The following TCF12 variants were observed in gnomAD, a reference collection of about 807,000 sequenced individuals.
TCF12 encodes the protein transcription factor 12.
A neutral mutation model predicts 86.0 loss-of-function variants in TCF12; 45 were observed. The ratio of observed to expected loss-of-function variants is 0.52; its 90% CI spans 0.41 to 0.67. The LOEUF (loss-of-function observed/expected upper bound fraction) is 0.67. TCF12 is among the 30% of genes least tolerant of loss of function. The pLI, the probability that TCF12 is intolerant of heterozygous loss-of-function variation, is 0.00. For missense variants in TCF12, 881 were observed against 859.9 expected, an observed-to-expected ratio of 1.02 and a Z score of -0.31; for synonymous variants, 330 against 299.6, an observed-to-expected ratio of 1.10 and a Z score of -1.05.
At chr15:57,225,353 C>T (rs1296798165) in intron 8 of TCF12, among the ~76,000 whole-genome samples, 1 of 149,786 alleles carries the variant, frequency 6.7e-6, no homozygotes, top group Non-Finnish European at 1.5e-5. Flanking sequence ...CATTCTCCTG[C>T]CTCAGCCTCC....
intron 5 of TCF12, among the ~76,000 whole-genome samples, chr15:57,140,613 G>A (rs376098256): frequency 2.0e-5 from 3 of 152,200 alleles, no homozygotes; most frequent in South Asian, 2.1e-4. Context: ...ACAAAGTGCC[G>A]TGTAATTATT....
chr15:57,289,855 TC>T (rs1347157746), downstream of TCF12: 1 of 152,100 alleles, frequency 6.6e-6, no homozygotes, highest in Non-Finnish European at 1.5e-5. Context: ...TATAACCAAC[TC>T]CCAGGATGAT....
intron 3 of TCF12, among the ~76,000 whole-genome samples, chr15:56,961,434 A>G (rs2061748321): frequency 6.6e-6 from 1 of 152,208 alleles, no homozygotes. Context: ...AATAAAAACC[A>G]CCAGAGTACA....
intron 4 of TCF12, among the ~76,000 whole-genome samples, chr15:57,084,651 T>G (rs1186656820): frequency 6.6e-6 from 1 of 152,114 alleles, no homozygotes; most frequent in Admixed American, 6.6e-5. Context: ...GGATGTAGAT[T>G]AGTGCTTCTC....
chr15:57,123,968 C>CAAAAAAAAAAAAACA (rs2051431554), intron 5 of TCF12, among the ~76,000 whole-genome samples: 1 of 81,076 alleles, frequency 1.2e-5, no homozygotes, highest in Non-Finnish European at 2.5e-5. Context: ...GACTCCGTCT[C>CAAAAAAAAAAAAACA]AAAAAAAAAA....
chr15:57,265,378 A>G (rs1408435718), intron 18 of TCF12, among the ~76,000 whole-genome samples: 2 of 152,040 alleles, frequency 1.3e-5, no homozygotes, highest in African/African-American at 4.8e-5. Context: ...TTGTCCCAGT[A>G]TGAGAGAGTG....
In TCF12 at chr15:57,136,958, G is replaced by GTTTTT. The variant is rs869113042; in HGVS notation, c.326-29437_326-29433dup. On this transcript the variant is annotated intron_variant, in intron 5 of 20. Transcript: ENST00000333725. The stretch of plus-strand genomic sequence containing the variant: ...TAGACAATAGCCACTGCTTCTGGCA[G>GTTTTT]TTTTTTTTTTTGTTTTTTTTTTTTT... Among the ~76,000 whole-genome samples, 266 of 83,044 alleles carry GTTTTT rather than the reference G, an allele frequency of 3.2e-3. 103 individuals carry two copies. Among genetic ancestry groups the GTTTTT allele is most frequent in the African/African-American group, 3.7e-3 (77 of 20,800 alleles). 54.5% of individuals were successfully genotyped at this position (83,044 alleles called of 152,430 possible).
intron 4 of TCF12, among the ~76,000 whole-genome samples, chr15:57,086,652 G>A (rs1248844169): frequency 5.4e-5 from 8 of 147,668 alleles, no homozygotes; most frequent in African/African-American, 1.5e-4. Context: ...AGGGTCCAGG[G>A]AAAGCTTTCC....
intron 3 of TCF12, among the ~76,000 whole-genome samples, chr15:56,969,275 A>G (rs1595898292): frequency 6.6e-6 from 1 of 152,192 alleles, no homozygotes; most frequent in Non-Finnish European, 1.5e-5. Flanking sequence ...CATAAACTTC[A>G]GTAGGATCAC....
At chr15:57,189,479 G>T (rs1480896694) in intron 6 of TCF12, among the ~76,000 whole-genome samples, 1 of 152,172 alleles carries the variant, frequency 6.6e-6, no homozygotes, top group East Asian at 1.9e-4. Context: ...TCAAGCCCAT[G>T]AAAAGATGCC....
chr15:56,995,895 C>T (rs140355625), intron 3 of TCF12, among the ~76,000 whole-genome samples: 2 of 152,110 alleles, frequency 1.3e-5, no homozygotes, highest in Non-Finnish European at 2.9e-5. Context: ...AGCTTTTGCC[C>T]ATTCAGTATG....
intron 3 of TCF12, among the ~76,000 whole-genome samples, chr15:57,054,469 C>G (rs952035059): frequency 2.0e-5 from 3 of 152,120 alleles, no homozygotes; most frequent in Non-Finnish European, 4.4e-5. Context: ...TTTTCATCTT[C>G]CTTTTCTAAC....
chr15:57,231,106 A>G (rs1566952406), intron 8 of TCF12, 46 bp from the exon 9 acceptor site: 5 of 1,433,198 alleles, frequency 3.5e-6, no homozygotes, highest in South Asian at 1.1e-5. Flanking sequence ...CATAAGTAAT[A>G]TGATAGTCAT....
At chr15:57,105,002 T>C (rs912540046) in intron 5 of TCF12, among the ~76,000 whole-genome samples, 2 of 151,108 alleles carry the variant, frequency 1.3e-5, no homozygotes, top group Non-Finnish European at 2.9e-5. Context: ...GCCTCCCAAG[T>C]AGCTGGGATT....
intron 5 of TCF12, among the ~76,000 whole-genome samples, chr15:57,119,605 T>A (rs568376312): frequency 6.6e-6 from 1 of 151,750 alleles, no homozygotes; most frequent in South Asian, 2.1e-4. Context: ...AATTAAGAAA[T>A]AGAGTCTCTT....
At chr15:57,007,778 CTTTCTTTCTTTCTCTCTT>C (rs2064489553) in intron 3 of TCF12, among the ~76,000 whole-genome samples, 1 of 47,968 alleles carries the variant, frequency 2.1e-5, no homozygotes, top group African/African-American at 6.3e-5. Flanking sequence ...TTCTTTCTTT[CTTTCTTTCTTTCTCTCTT>C]TCTTTCTTTC....
At chr15:57,230,277 C>G (rs1265848720) in intron 8 of TCF12, among the ~76,000 whole-genome samples, 8 of 152,048 alleles carry the variant, frequency 5.3e-5, no homozygotes, top group Admixed American at 5.2e-4. Flanking sequence ...TTGTTTCATA[C>G]ACTGCTCATA....
At chr15:57,165,416 G>A (rs2054814311) in intron 5 of TCF12, among the ~76,000 whole-genome samples, 1 of 152,080 alleles carries the variant, frequency 6.6e-6, no homozygotes, top group South Asian at 2.1e-4. Context: ...AAACAGTAAT[G>A]TATATTGTTC....
intron 8 of TCF12, among the ~76,000 whole-genome samples, chr15:57,220,857 G>C (rs2058557817): frequency 6.6e-6 from 1 of 152,058 alleles, no homozygotes; most frequent in Non-Finnish European, 1.5e-5. Flanking sequence ...TTTACCCTCA[G>C]GTGTCTTATG....
Sources: gnomAD v4.1 joint callset for allele counts (sites outside exome capture counted in the v4.1 genomes callset) on GRCh38, gnomAD v4.1.1 for gene constraint, MANE v1.5 for transcripts, NCBI Gene and HGNC (gene_info 2026-07-23, HGNC 2026-07-21) for gene names.